The following PLCB4 variants were observed in gnomAD, a reference collection of about 807,000 sequenced individuals.
PLCB4 encodes 1-phosphatidylinositol 4,5-bisphosphate phosphodiesterase beta-4.
In PLCB4, 77 loss-of-function variants were observed where a neutral mutation model predicts 178.8. That is an observed-to-expected ratio of 0.43 (90% CI 0.36 to 0.52). PLCB4 has a LOEUF of 0.52. Ranked by LOEUF, PLCB4 falls within the 20% of genes least tolerant of loss-of-function variation. The pLI is 0.00. For synonymous variants in PLCB4, 496 were observed against 490.8 expected, an observed-to-expected ratio of 1.01 and a Z score of -0.14; for missense variants, 1,024 against 1,453.4, an observed-to-expected ratio of 0.70 and a Z score of 4.80.
chr20:9,101,644 C>A (rs1220938706), intron 2 of PLCB4, among the ~76,000 whole-genome samples: 2 of 152,122 alleles, frequency 1.3e-5, no homozygotes, highest in Non-Finnish European at 2.9e-5. Flanking sequence ...CAGGTATTAG[C>A]TGACATTTTT....
intron 26 of PLCB4, 49 bp from the exon 27 acceptor site, chr20:9,421,248 A>T (rs745521539): frequency 1.1e-5 from 15 of 1,426,478 alleles, no homozygotes; most frequent in Middle Eastern, 2.1e-4. Flanking sequence ...TTTGCTACTG[A>T]TGCTTACACA....
At chr20:9,087,062 C>T (rs968266703) in intron 1 of PLCB4, among the ~76,000 whole-genome samples, 1 of 151,920 alleles carries the variant, frequency 6.6e-6, no homozygotes, top group Non-Finnish European at 1.5e-5. Context: ...TGTGTGTTTC[C>T]GTTTAAAATG....
At chr20:9,413,922 T>C (rs1431603894) in intron 25 of PLCB4, among the ~76,000 whole-genome samples, 3 of 152,108 alleles carry the variant, frequency 2.0e-5, no homozygotes, top group African/African-American at 4.8e-5. Flanking sequence ...ACATGGCTAG[T>C]TTTTTTATTT....
intron 1 of PLCB4, among the ~76,000 whole-genome samples, chr20:9,090,225 ATGTGTGTG>A (rs11087835): frequency 6.7e-6 from 1 of 149,418 alleles, no homozygotes; most frequent in South Asian, 2.1e-4. Context: ...AATACTATTT[ATGTGTGTG>A]TGTGTGTGTG....
intron 1 of PLCB4, among the ~76,000 whole-genome samples, chr20:9,071,008 C>T (rs571406399): frequency 1.1e-4 from 17 of 152,272 alleles, no homozygotes; most frequent in Admixed American, 7.8e-4. Context: ...TTCTAAAATA[C>T]TCTATTGGAA....
intron 1 of PLCB4, among the ~76,000 whole-genome samples, chr20:9,071,922 A>G (rs1483564551): frequency 1.3e-5 from 2 of 152,220 alleles, no homozygotes; most frequent in Non-Finnish European, 1.5e-5. Context: ...TAAACTGTCT[A>G]TCTACCACAG....
intron 3 of PLCB4, among the ~76,000 whole-genome samples, chr20:9,235,531 A>T (rs1193993929): frequency 1.3e-5 from 2 of 152,186 alleles, no homozygotes; most frequent in Non-Finnish European, 2.9e-5. Context: ...GGCATTCAGA[A>T]AGACTGGTCT....
intron 1 of PLCB4, among the ~76,000 whole-genome samples, chr20:9,083,441 G>C (rs2090254899): frequency 6.6e-6 from 1 of 151,964 alleles, no homozygotes; most frequent in African/African-American, 2.4e-5. Flanking sequence ...CATAAGAAAT[G>C]GAGCCAATTC....
intron 4 of PLCB4, among the ~76,000 whole-genome samples, chr20:9,333,694 A>T (rs1187525700): frequency 6.6e-6 from 1 of 152,158 alleles, no homozygotes; most frequent in African/African-American, 2.4e-5. Context: ...AAGTGAGAAG[A>T]TCAATCCATG....
intron 14 of PLCB4, among the ~76,000 whole-genome samples, chr20:9,385,968 G>T (rs2037607088): frequency 6.6e-6 from 1 of 152,248 alleles, no homozygotes; most frequent in South Asian, 2.1e-4. Context: ...GGGCAACACT[G>T]AGCATTGAGT....
At chr20:9,164,508 A>G (rs1346490909) in intron 2 of PLCB4, among the ~76,000 whole-genome samples, 1 of 152,222 alleles carries the variant, frequency 6.6e-6, no homozygotes, top group Admixed American at 6.5e-5. Flanking sequence ...ACAATATTTT[A>G]GTTATGATTC....
At chr20:9,329,917 A>C (rs1429303864) in intron 4 of PLCB4, among the ~76,000 whole-genome samples, 1 of 152,206 alleles carries the variant, frequency 6.6e-6, no homozygotes, top group Admixed American at 6.5e-5. Flanking sequence ...AAAGCAACTT[A>C]ATAAGGACCC....
chr20:9,088,586 G>T (rs1014328143), intron 1 of PLCB4, among the ~76,000 whole-genome samples: 8 of 152,142 alleles, frequency 5.3e-5, no homozygotes, highest in Non-Finnish European at 4.4e-5. Context: ...ATCAAGTCAT[G>T]GTGATTGCAG....
At chr20:9,202,938 A>C (rs2093565365) in intron 2 of PLCB4, among the ~76,000 whole-genome samples, 1 of 151,650 alleles carries the variant, frequency 6.6e-6, no homozygotes, top group African/African-American at 2.4e-5. Flanking sequence ...AAAAAACAAA[A>C]ACAAAAACCA....
chr20:9,348,013 C>A (rs937236652), intron 7 of PLCB4, among the ~76,000 whole-genome samples: 1 of 152,136 alleles, frequency 6.6e-6, no homozygotes, highest in African/African-American at 2.4e-5. Flanking sequence ...AGGAAGCACT[C>A]TCTTTGCAAA....
chr20:9,198,233 G>GT (rs773023169), intron 2 of PLCB4, among the ~76,000 whole-genome samples: 104 of 152,076 alleles, frequency 6.8e-4, no homozygotes, highest in Non-Finnish European at 1.3e-3. Flanking sequence ...AGAAAGCAAT[G>GT]TTTTTTCTCA....
At chr20:9,095,748 T>C (rs2090885740) in intron 1 of PLCB4, among the ~76,000 whole-genome samples, 1 of 152,102 alleles carries the variant, frequency 6.6e-6, no homozygotes, top group Admixed American at 6.6e-5. Context: ...CTAAAAGTCT[T>C]AGCTAAGAAA....
At position 9,459,716 on chromosome 20, in the gene PLCB4, G is replaced by A. The variant is rs1377407814; in HGVS notation, c.3154G>A (p.Asp1052Asn). 2 of 1,612,434 alleles carry A rather than the reference G, an allele frequency of 1.2e-6. No homozygotes were observed. The highest frequency in any genetic ancestry group is 1.3e-5 in the African/African-American group (1 of 74,868). Reference protein sequence around the residue: ...THSAEEQEIRDLHLSQQCELL... With the variant: ...THSAEEQEIRNLHLSQQCELL... ...CAGTGCTGAGGAGCAAGAAATCCGA[G>A]ACCTGCACCTCAGCCAGCAGTGTGA... Residue 1052 changes from aspartate to asparagine, a missense_variant, in exon 35 of 40, where the codon GAC (aspartate) becomes AAC (asparagine). Around this residue, in one of 7 missense-constraint regions of PLCB4, gnomAD observed 264 missense variants for 283.2 expected, o/e 0.93. Transcript: ENST00000378473.
chr20:9,381,615 T>G (rs1266580732), intron 13 of PLCB4, among the ~76,000 whole-genome samples: 1 of 152,188 alleles, frequency 6.6e-6, no homozygotes, highest in African/African-American at 2.4e-5. Context: ...AAGTGACCAT[T>G]GACACATCTA....
Sources: allele counts gnomAD v4.1 joint callset (sites outside exome capture counted in the v4.1 genomes callset), GRCh38; gene constraint gnomAD v4.1.1; regional missense constraint gnomAD v4.1.1; transcripts MANE v1.5; gene names NCBI Gene and HGNC (gene_info 2026-07-23, HGNC 2026-07-21).